SLC9A1: variants seen among roughly 807,000 people sequenced by gnomAD.
The protein encoded by SLC9A1 is solute carrier family 9 member A1.
SLC9A1 carries 22 observed loss-of-function variants against 67.9 expected under a neutral mutation model. That is an observed-to-expected ratio of 0.32 (90% CI 0.23 to 0.46). The LOEUF is 0.46. SLC9A1 is among the 20% of genes least tolerant of loss of function. The pLI is 1.00. For missense variants in SLC9A1, 686 were observed against 1,094.8 expected, an observed-to-expected ratio of 0.63 and a Z score of 5.27; for synonymous variants, 421 against 471.8, an observed-to-expected ratio of 0.89 and a Z score of 1.40.
chr1:27,117,128 G>A (rs1046045972), intron 1 of SLC9A1, among the ~76,000 whole-genome samples: 11 of 151,790 alleles, frequency 7.2e-5, no homozygotes, highest in Admixed American at 6.6e-4. Flanking sequence ...GACAACCCAG[G>A]CAGAAGCAGC....
chr1:27,118,071 T>C lies in SLC9A1; in HGVS notation c.353-3785A>G, dbSNP rs79722050. On this transcript the variant is annotated intron_variant, in intron 1 of 11. Coordinates refer to ENST00000263980, the MANE Select transcript of SLC9A1 (RefSeq NM_003047.5). The surrounding 1 kb of genome is among the most constrained non-coding windows in gnomAD (Gnocchi z 4.3). ...CTCAGCCAGGCCAACCAGGACTGGG[T>C]CCCGGGCCTCCTGACTACAGCACAG... Among the ~76,000 whole-genome samples, 194 of 152,186 alleles carry C rather than the reference T, an allele frequency of 1.3e-3. 3 individuals carry two copies. The East Asian group carries it at 0.022, about 17-fold the overall frequency.
At chr1:27,141,214 T>TA (rs1423829299) in intron 1 of SLC9A1, among the ~76,000 whole-genome samples, 4 of 152,108 alleles carry the variant, frequency 2.6e-5, no homozygotes, top group Admixed American at 6.5e-5. Context: ...AATAAAAAAT[T>TA]AAAAAAAATT....
chr1:27,143,438 G>A (rs976956503), intron 1 of SLC9A1, among the ~76,000 whole-genome samples: 2 of 152,166 alleles, frequency 1.3e-5, no homozygotes, highest in Admixed American at 1.3e-4. Context: ...CTCCCTGTGG[G>A]CTCATTTCTT....
intron 3 of SLC9A1, among the ~76,000 whole-genome samples, chr1:27,108,331 G>C (rs1416314280): frequency 8.6e-5 from 9 of 104,968 alleles, no homozygotes; most frequent in Admixed American, 8.2e-4. Flanking sequence ...CTCCCAAAGT[G>C]CTGGGATTAC....
At position 27,154,820 on chromosome 1, in the gene SLC9A1, G is replaced by C. The variant is rs2124225777; in HGVS notation, c.-486C>G. ...AGAGCCAGTCCAGGAAAAGGAGAGA[G>C]GGGGCTGGGAGCCCAGGCTGAGAAG... On this transcript the variant is annotated 5_prime_UTR_variant, in exon 1 of 12. Coordinates refer to ENST00000263980, the MANE Select transcript of SLC9A1 (RefSeq NM_003047.5). 1 of 153,592 alleles carries C rather than the reference G, an allele frequency of 6.5e-6. No individual in the cohort carries two copies. The highest frequency in any genetic ancestry group is 3.4e-3 in the Middle Eastern group (1 of 298). The allele number at this position is 153,592 out of a possible 1,614,324, so 9.5% of individuals were successfully genotyped here.
At chr1:27,110,822 A>G (rs1420967805) in intron 2 of SLC9A1, among the ~76,000 whole-genome samples, 1 of 152,158 alleles carries the variant, frequency 6.6e-6, no homozygotes, top group Admixed American at 6.5e-5. Flanking sequence ...GGCCTACTCA[A>G]GTCTGTCCTA....
Position 27,100,108 on chromosome 1 carries a change from C to T in SLC9A1, c.*199G>A. 1 of 470,666 alleles carries T rather than the reference C, an allele frequency of 2.1e-6. No homozygotes were observed. The highest frequency in any genetic ancestry group is 3.7e-6 in the Non-Finnish European group (1 of 268,722). The allele number at this position is 470,666 out of a possible 1,614,324, so 29.2% of individuals were successfully genotyped here. ...AGTTCTGCCAAATGGATTGGGGAGG[C>T]AGCTCTGGTGGGGAGGATGCTTCCC... On this transcript the variant is annotated 3_prime_UTR_variant, in exon 12 of 12. Transcript: ENST00000263980. The surrounding 1 kb of genome is among the most constrained non-coding windows in gnomAD (Gnocchi z 5.6).
chr1:27,106,137 T>A lies in SLC9A1; in HGVS notation c.1283-50A>T. On this transcript the variant is annotated intron_variant, in intron 4 of 11. Transcript: ENST00000263980. The surrounding 1 kb of genome is among the most constrained non-coding windows in gnomAD (Gnocchi z 4.3). ...GAGGGTCAGGTCGGGCTGTCCCCAG[T>A]CCCTCCTGGATTCTGCATCAGTGAT... 8.2e-7 allele frequency: 1 copy of A among 1,222,704 alleles called. No individual in the cohort carries two copies. Among genetic ancestry groups the A allele is most frequent in the Non-Finnish European group, 1.2e-6 (1 of 837,816 alleles). The allele number at this position is 1,222,704 out of a possible 1,614,324, so 75.7% of individuals were successfully genotyped here.
At chr1:27,104,566 T>C (rs2124134343) in intron 5 of SLC9A1, among the ~76,000 whole-genome samples, 1 of 151,872 alleles carries the variant, frequency 6.6e-6, no homozygotes, top group African/African-American at 2.4e-5. Context: ...TTTTTTTTTA[T>C]TTTTTGTAGA....
At position 27,102,043 on chromosome 1, in the gene SLC9A1, C is replaced by G; in HGVS notation, c.1908G>C (p.Arg636Ser). 1 of 1,613,836 alleles carries G rather than the reference C, an allele frequency of 6.2e-7. No homozygotes were observed. Among genetic ancestry groups the G allele is most frequent in the Non-Finnish European group, 8.5e-7 (1 of 1,179,824 alleles). Residue 636 changes from arginine to serine, a missense_variant, in exon 9 of 12, where the codon AGG becomes AGC. Around this residue, in one of 7 missense-constraint regions of SLC9A1, gnomAD observed 226 missense variants for 282.4 expected, o/e 0.80. Transcript: ENST00000263980. ...DKEEEIRKILRNNLQKTRQRL... is the reference protein window; with the variant it reads ...DKEEEIRKILSNNLQKTRQRL... Reference sequence around the variant, plus strand: ...GCTGCCTGGTCTTCTGCAAGTTGTTCCTCAGGATTTTGCGGATCTCCTCCT... The same window carrying G: ...GCTGCCTGGTCTTCTGCAAGTTGTTGCTCAGGATTTTGCGGATCTCCTCCT...
At chr1:27,148,157 C>G (rs1200911041) in intron 1 of SLC9A1, among the ~76,000 whole-genome samples, 1 of 152,184 alleles carries the variant, frequency 6.6e-6, no homozygotes, top group African/African-American at 2.4e-5. Flanking sequence ...CTCTCCTTTT[C>G]TCTCCCAGAG....
At position 27,109,246 on chromosome 1, in the gene SLC9A1, T is replaced by C. The variant is rs1398862366; in HGVS notation, c.1064+281A>G. Among the ~76,000 whole-genome samples, 1 of 152,178 alleles carries C rather than the reference T, an allele frequency of 6.6e-6. No homozygotes were observed. Among genetic ancestry groups the C allele is most frequent in the South Asian group, 2.1e-4 (1 of 4,836 alleles). On this transcript the variant is annotated intron_variant, in intron 3 of 11. Transcript: ENST00000263980. This position sits in a 1 kb window ranked among gnomAD's most constrained non-coding sequence, Gnocchi z 5.5. Reference sequence around the variant, plus strand: ...CTCCTATACCCTGGGCTTGCCTTCATGCAGGTCATTCTTGCTTCATCTGCT... The same window carrying C: ...CTCCTATACCCTGGGCTTGCCTTCACGCAGGTCATTCTTGCTTCATCTGCT...
intron 1 of SLC9A1, among the ~76,000 whole-genome samples, chr1:27,132,369 G>T (rs2083391880): frequency 6.6e-6 from 1 of 152,040 alleles, no homozygotes; most frequent in African/African-American, 2.4e-5. Flanking sequence ...GACACTCTGG[G>T]TCTCGGGTTT....
chr1:27,133,948 A>G (rs1168555456), intron 1 of SLC9A1, among the ~76,000 whole-genome samples: 1 of 151,968 alleles, frequency 6.6e-6, no homozygotes. Context: ...TATTTTTAGT[A>G]GAGACGGAGT....
chr1:27,102,326 A>G (rs542371996), intron 8 of SLC9A1, 59 bp downstream of exon 8: 799 of 1,540,438 alleles, frequency 5.2e-4, no homozygotes, highest in Non-Finnish European at 6.7e-4. Context: ...GCCACCTCCA[A>G]CCGGGCTTGA....
chr1:27,112,820 G>A (rs2083237059), intron 2 of SLC9A1, among the ~76,000 whole-genome samples: 1 of 148,716 alleles, frequency 6.7e-6, no homozygotes, highest in Non-Finnish European at 1.5e-5. Context: ...GGAGGCGGAG[G>A]TTGCAGTGAG....
At position 27,109,447 on chromosome 1, in the gene SLC9A1, A is replaced by C. The variant is rs991764371; in HGVS notation, c.1064+80T>G. ...AGGCTGGGCCCTGGGAGCTCCGTGA[A>C]CCTACGAGCCTGGGGAATCCAAGCT... On this transcript the variant is annotated intron_variant, in intron 3 of 11. Transcript: ENST00000263980. The surrounding 1 kb of genome is among the most constrained non-coding windows in gnomAD (Gnocchi z 5.5). 6.7e-7 allele frequency: 1 copy of C among 1,493,988 alleles called. No individual in the cohort carries two copies. The highest frequency in any genetic ancestry group is 1.7e-5 in the Admixed American group (1 of 59,130). 92.5% of individuals were successfully genotyped at this position (1,493,988 alleles called of 1,614,324 possible). A position where few individuals can be genotyped will look rare whatever the true frequency, so the allele number is the denominator to read the frequency against.
chr1:27,111,511 A>G (rs563081694), intron 2 of SLC9A1, among the ~76,000 whole-genome samples: 47 of 152,328 alleles, frequency 3.1e-4, no homozygotes, highest in African/African-American at 1.1e-3. Flanking sequence ...ATGAGGCAAC[A>G]TAGGCCAGAC....
Position 27,134,500 on chromosome 1 carries a change from T to C in SLC9A1, c.352+19483A>G, listed in dbSNP as rs80347573. 4.6e-3 allele frequency among the ~76,000 whole-genome samples: 703 copies of C among 152,296 alleles called. 15 individuals carry two copies. Among genetic ancestry groups the C allele is most frequent in the Admixed American group, 0.037 (567 of 15,294 alleles). ...AACCAAAGCTCAGGGCATTTAAGCC[T>C]GAGAACATACCCAGACAGGGAGCAA... On this transcript the variant is annotated intron_variant, in intron 1 of 11. Transcript: ENST00000263980.
Sources: allele counts gnomAD v4.1 joint callset (sites outside exome capture counted in the v4.1 genomes callset), GRCh38; gene constraint gnomAD v4.1.1; regional missense constraint gnomAD v4.1.1; non-coding constraint Gnocchi (gnomAD v3.1); transcripts MANE v1.5; gene names NCBI Gene and HGNC (gene_info 2026-07-23, HGNC 2026-07-21).